GPC5: variants seen among roughly 807,000 people sequenced by gnomAD.
GPC5 encodes glypican-5.
A neutral mutation model predicts 53.9 loss-of-function variants in GPC5; 47 were observed. The observed-to-expected ratio is 0.87, with a 90% CI of 0.69 to 1.11. GPC5 has a LOEUF of 1.11. Ranked by LOEUF, GPC5 falls within the 50% of genes most tolerant of loss-of-function variation. The probability of loss-of-function intolerance (pLI) is 0.00; values close to 1 mark genes in which losing one functional copy is unlikely to be tolerated. For missense variants in GPC5, 748 were observed against 713.1 expected (o/e 1.05, Z -0.56); for synonymous variants, 286 against 263.3 (o/e 1.09, Z -0.84).
chr13:92,475,248 G>T (rs1292325426), intron 7 of GPC5, among the ~76,000 whole-genome samples: 1 of 148,596 alleles, frequency 6.7e-6, no homozygotes, highest in Non-Finnish European at 1.5e-5. Context: ...GAAAGGCATT[G>T]GTAGCTTGAT....
rs757953581 is a variant in GPC5, at chr13:91,432,203, C to CTGTGTGTGTG, written c.164-16520_164-16511dup. On this transcript the variant is annotated intron_variant, in intron 1 of 7. Transcript: ENST00000377067. ...GCTTCCACTGCTGCTGCTGCTGCTG[C>CTGTGTGTGTG]TGTGTGTGTGTGTGTGTGTGTGTGT... Among the ~76,000 whole-genome samples, 262 of 136,440 alleles carry CTGTGTGTGTG rather than the reference C, an allele frequency of 1.9e-3. 2 individuals are homozygous for CTGTGTGTGTG. Among genetic ancestry groups the CTGTGTGTGTG allele is most frequent in the Middle Eastern group, 0.015 (4 of 270 alleles). 89.5% of individuals were successfully genotyped at this position (136,440 alleles called of 152,430 possible). A position where few individuals can be genotyped will look rare whatever the true frequency, so the allele number is the denominator to read the frequency against.
chr13:91,641,836 A>T (rs892246415), intron 2 of GPC5, among the ~76,000 whole-genome samples: 1 of 152,192 alleles, frequency 6.6e-6, no homozygotes, highest in Non-Finnish European at 1.5e-5. Context: ...CTGAGTTCGA[A>T]TTGGAGTTGG....
chr13:91,779,115 T>A (rs1179256493), intron 5 of GPC5, among the ~76,000 whole-genome samples: 1 of 151,918 alleles, frequency 6.6e-6, no homozygotes, highest in South Asian at 2.1e-4. Context: ...TCTAGGACAT[T>A]ACTGTACACT....
chr13:91,713,735 C>T (rs2036277740), intron 3 of GPC5, among the ~76,000 whole-genome samples: 1 of 152,170 alleles, frequency 6.6e-6, no homozygotes, highest in African/African-American at 2.4e-5. Context: ...AACCTGGTTA[C>T]TCTTTAGTAC....
At chr13:91,991,047 A>G (rs1231143825) in intron 6 of GPC5, among the ~76,000 whole-genome samples, 4 of 152,204 alleles carry the variant, frequency 2.6e-5, no homozygotes, top group African/African-American at 9.6e-5. Context: ...CACACACCTA[A>G]GTTGTGTGTG....
At chr13:92,809,753 G>A (rs576778027) in intron 7 of GPC5, among the ~76,000 whole-genome samples, 4 of 151,900 alleles carry the variant, frequency 2.6e-5, no homozygotes, top group Admixed American at 2.0e-4. Context: ...GAAGTGGCAG[G>A]GGATTTAAGA....
chr13:91,993,709 G>A (rs1368639486), intron 6 of GPC5, among the ~76,000 whole-genome samples: 1 of 151,998 alleles, frequency 6.6e-6, no homozygotes, highest in South Asian at 2.1e-4. Flanking sequence ...TTTTTTATAG[G>A]TGAAAGACCG....
chr13:92,114,715 CTATA>C (rs1279758544), intron 6 of GPC5, among the ~76,000 whole-genome samples: 1 of 152,106 alleles, frequency 6.6e-6, no homozygotes, highest in Non-Finnish European at 1.5e-5. Context: ...GAGATAGAGA[CTATA>C]TAGATATAAA....
chr13:92,186,418 ATTTG>A (rs2042184119), intron 7 of GPC5, among the ~76,000 whole-genome samples: 1 of 151,914 alleles, frequency 6.6e-6, no homozygotes. Context: ...GTAATATAAT[ATTTG>A]TTTTTTCTAA....
At chr13:92,574,178 T>C (rs1223147320) in intron 7 of GPC5, among the ~76,000 whole-genome samples, 2 of 152,206 alleles carry the variant, frequency 1.3e-5, no homozygotes, top group East Asian at 3.9e-4. Flanking sequence ...GTCTACGGAT[T>C]CAACTCAGAG....
At chr13:92,653,431 G>A (rs937606651) in intron 7 of GPC5, among the ~76,000 whole-genome samples, 39 of 152,272 alleles carry the variant, frequency 2.6e-4, no homozygotes, top group African/African-American at 8.4e-4. Flanking sequence ...AGGAAGATAC[G>A]GATGGGCTGC....
chr13:91,994,168 C>T (rs1364109027), intron 6 of GPC5, among the ~76,000 whole-genome samples: 4 of 152,086 alleles, frequency 2.6e-5, no homozygotes, highest in Non-Finnish European at 5.9e-5. Context: ...GGCCAGTCCT[C>T]GAAGAGGAAA....
At chr13:92,299,182 C>CT (rs1325400209) in intron 7 of GPC5, among the ~76,000 whole-genome samples, 13 of 151,958 alleles carry the variant, frequency 8.6e-5, no homozygotes, top group African/African-American at 1.2e-4. Context: ...GCCTCACAGC[C>CT]TTTTTTTTCT....
At chr13:91,471,808 C>T (rs918290468) in intron 2 of GPC5, among the ~76,000 whole-genome samples, 1 of 151,986 alleles carries the variant, frequency 6.6e-6, no homozygotes, top group East Asian at 1.9e-4. Context: ...CTCTTTCCTC[C>T]CTGTTCCTCT....
chr13:91,656,882 A>C (rs2034857606), intron 2 of GPC5, among the ~76,000 whole-genome samples: 2 of 152,190 alleles, frequency 1.3e-5, no homozygotes, highest in Admixed American at 1.3e-4. Flanking sequence ...GTAATATTTT[A>C]GAAACAGTGC....
chr13:91,478,116 T>TG (rs773681185), intron 2 of GPC5, among the ~76,000 whole-genome samples: 31 of 152,284 alleles, frequency 2.0e-4, no homozygotes, highest in Non-Finnish European at 3.4e-4. Flanking sequence ...GTTTTTTTTT[T>TG]GTTTTGCTTC....
At chr13:91,583,309 A>G (rs1375925990) in intron 2 of GPC5, among the ~76,000 whole-genome samples, 1 of 152,210 alleles carries the variant, frequency 6.6e-6, no homozygotes, top group Non-Finnish European at 1.5e-5. Flanking sequence ...TCCATGATGT[A>G]TATTTGAACT....
At chr13:92,594,942 A>T (rs1019340790) in intron 7 of GPC5, among the ~76,000 whole-genome samples, 2 of 152,224 alleles carry the variant, frequency 1.3e-5, no homozygotes, top group African/African-American at 4.8e-5. Flanking sequence ...AATGTAGCTA[A>T]GTAGGTGTTT....
intron 1 of GPC5, among the ~76,000 whole-genome samples, chr13:91,428,263 A>G (rs1351387846): frequency 6.6e-6 from 1 of 152,188 alleles, no homozygotes; most frequent in Non-Finnish European, 1.5e-5. Context: ...AAGGCAGAGT[A>G]GAATTTTTCT....
Sources: allele counts gnomAD v4.1 joint callset (sites outside exome capture counted in the v4.1 genomes callset), GRCh38; gene constraint gnomAD v4.1.1; transcripts MANE v1.5; gene names NCBI Gene and HGNC (gene_info 2026-07-23, HGNC 2026-07-21).